Variants in MED13 observed in about 807,000 individuals in gnomAD.
MED13 encodes mediator complex subunit 13, also known as mediator of RNA polymerase II transcription subunit 13.
A neutral mutation model predicts 225.2 loss-of-function variants in MED13; 23 were observed. That is an observed-to-expected ratio of 0.10 (90% CI 0.07 to 0.14). The LOEUF (loss-of-function observed/expected upper bound fraction) is 0.14. MED13 is among the 10% of genes least tolerant of loss of function. The pLI, the probability that MED13 is intolerant of heterozygous loss-of-function variation, is 1.00. For synonymous variants in MED13, 942 were observed against 889.2 expected (o/e 1.06, Z -1.06); for missense variants, 2,197 against 2,594.5 (o/e 0.85, Z 3.33).
At chr17:62,031,797 T>C (rs1186294078) in intron 5 of MED13, among the ~76,000 whole-genome samples, 159 bp from the exon 6 acceptor site, 2 of 127,734 alleles carry the variant, frequency 1.6e-5, no homozygotes, top group Non-Finnish European at 3.5e-5. Context: ...TTTTCTTTTC[T>C]TTTTTTTTTT....
In MED13 at chr17:62,011,478, A is replaced by G. The variant is rs528853483; in HGVS notation, c.1284-245T>C. The stretch of plus-strand genomic sequence containing the variant: ...GCTCATTTAATAGCCATGTGATCAG[A>G]CAGCCAAAGATTATGTCTTACATGA... On this transcript the variant is annotated intron_variant, in intron 8 of 29. Transcript: ENST00000397786. Among the ~76,000 whole-genome samples, 7 of 152,304 alleles carry G rather than the reference A, an allele frequency of 4.6e-5. No homozygotes were observed. In the East Asian group the frequency reaches 1.3e-3, roughly 29 times the overall value.
chr17:61,985,937 G>A (rs980870161), intron 12 of MED13, among the ~76,000 whole-genome samples: 4 of 152,170 alleles, frequency 2.6e-5, no homozygotes, highest in Admixed American at 2.6e-4. Context: ...AAGCAATAGA[G>A]TTCCTAACTT....
At position 62,011,180 on chromosome 17, in the gene MED13, A is replaced by G. The variant is rs758026587; in HGVS notation, c.1337T>C (p.Leu446Ser). Residue 446 changes from leucine (L) to serine (S), a missense_variant, in exon 9 of 30, where the codon TTA (leucine) becomes TCA (serine). By Grantham distance (145) the Leu-to-Ser change is moderately radical. Transcript: ENST00000397786. ...AGGAAGTATTTGTTGTTGCTGACCTAAAGATGGTGCCTGTCCTTGTTGTCC... is the reference window on the plus strand; with the variant it reads ...AGGAAGTATTTGTTGTTGCTGACCTGAAGATGGTGCCTGTCCTTGTTGTCC... Reference protein sequence around the residue: ...NAGQQGQAPSLGQQQQILPKH... With the variant: ...NAGQQGQAPSSGQQQQILPKH... The G allele has an allele frequency of 6.2e-6, 10 of 1,614,152 alleles. No individual in the cohort carries two copies. In the South Asian group the frequency reaches 8.8e-5, roughly 14 times the overall value.
intron 2 of MED13, among the ~76,000 whole-genome samples, chr17:62,058,018 A>C (rs561947705): frequency 6.6e-6 from 1 of 152,328 alleles, no homozygotes; most frequent in East Asian, 1.9e-4. Flanking sequence ...AAATACACAG[A>C]AAACTCTCCT....
chr17:62,008,059 T>C (rs2080469827), intron 9 of MED13, among the ~76,000 whole-genome samples: 1 of 141,116 alleles, frequency 7.1e-6, no homozygotes, highest in Non-Finnish European at 1.5e-5. Context: ...GGCTCACGCC[T>C]GTAATCCCAG....
In MED13 at chr17:62,052,549, G is replaced by A; in HGVS notation, c.458C>T (p.Pro153Leu). The change falls in exon 3 of 30, where the codon CCT (proline) becomes CTT (leucine). Residue 153 changes from proline to leucine, a missense_variant. Coordinates refer to ENST00000397786, the MANE Select transcript of MED13 (RefSeq NM_005121.3). Reference sequence around the variant, plus strand: ...TAAGATAGCTTACCTTTTATTTATAGGTTTTTCATCTTTTTCATAAGGCTT... The same window carrying A: ...TAAGATAGCTTACCTTTTATTTATAAGTTTTTCATCTTTTTCATAAGGCTT... ...FVKPYEKDEK[P>L]INKSEHLSCS... 2 of 1,573,694 alleles carry A rather than the reference G, an allele frequency of 1.3e-6. No individual in the cohort carries two copies. The highest frequency in any genetic ancestry group is 1.7e-6 in the Non-Finnish European group (2 of 1,161,070).
intron 10 of MED13, 135 bp from the exon 11 acceptor site, chr17:61,992,756 AG>A: frequency 1.6e-6 from 1 of 607,552 alleles, no homozygotes; most frequent in South Asian, 2.1e-5. Context: ...TACAGTAACA[AG>A]TAAGTAGTAT....
chr17:62,022,341 T>G (rs959026247), intron 8 of MED13, among the ~76,000 whole-genome samples: 1 of 151,988 alleles, frequency 6.6e-6, no homozygotes, highest in Admixed American at 6.6e-5. Flanking sequence ...AATTGATAGT[T>G]ACAGCAGTAT....
In MED13 at chr17:62,003,148, A is replaced by AT. The variant is rs60050683; in HGVS notation, c.1967+7401dup. Among the ~76,000 whole-genome samples, 573 of 151,578 alleles carry AT rather than the reference A, an allele frequency of 3.8e-3. 5 individuals carry two copies. Among genetic ancestry groups the AT allele is most frequent in the African/African-American group, 0.013 (534 of 41,094 alleles). The stretch of plus-strand genomic sequence containing the variant: ...GGAAAAGGATAGAATCATCCAGATG[A>AT]TTATTTTTAAAAGCAAACTTTTAAC... On this transcript the variant is annotated intron_variant, in intron 9 of 29. Transcript: ENST00000397786.
At position 61,984,513 on chromosome 17, in the gene MED13, A is replaced by T. The variant is rs2080231852; in HGVS notation, c.2691+138T>A. The T allele has an allele frequency of 4.3e-6, 4 of 939,660 alleles. No homozygotes were observed. In the Admixed American group the frequency reaches 1.2e-4, roughly 28 times the overall value. 58.2% of individuals were successfully genotyped at this position (939,660 alleles called of 1,614,324 possible). A position where few individuals can be genotyped will look rare whatever the true frequency, so the allele number is the denominator to read the frequency against. ...TATTATTTTCTTAAATGCATTCTTA[A>T]TAGTGACAACAATAATTCAGTCCTC... On this transcript the variant is annotated intron_variant, in intron 14 of 29. Transcript: ENST00000397786.
intron 23 of MED13, among the ~76,000 whole-genome samples, chr17:61,957,233 G>A (rs2079953965): frequency 6.6e-6 from 1 of 152,028 alleles, no homozygotes; most frequent in Admixed American, 6.6e-5. Flanking sequence ...TTTTAGCAGA[G>A]AGGGGGTTTC....
At chr17:61,954,298 TCTA>T (rs955713369) in intron 26 of MED13, among the ~76,000 whole-genome samples, 4 of 152,190 alleles carry the variant, frequency 2.6e-5, no homozygotes, top group Admixed American at 2.6e-4. Flanking sequence ...TATTTTCTCT[TCTA>T]CTAAAATGCA....
intron 2 of MED13, among the ~76,000 whole-genome samples, chr17:62,058,520 C>CAAAAAAAAAA (rs751957495): frequency 3.7e-5 from 2 of 53,438 alleles, no homozygotes; most frequent in Admixed American, 2.1e-4. Context: ...GACTTCATCT[C>CAAAAAAAAAA]AAAAAAAAAA....
intron 17 of MED13, among the ~76,000 whole-genome samples, chr17:61,970,036 A>G (rs2080093398): frequency 6.6e-6 from 1 of 152,250 alleles, no homozygotes; most frequent in Non-Finnish European, 1.5e-5. Flanking sequence ...TCATTAAAAA[A>G]GCAATTTAAA....
chr17:61,965,239 T>C lies in MED13; in HGVS notation c.4611A>G (p.Ser1537=). Reference sequence around the variant, plus strand: ...AGTTGGAGGATGATGAAGATGAAGTTGAAGCTGTGGTCAAAGTTGAATTAG... The same window carrying C: ...AGTTGGAGGATGATGAAGATGAAGTCGAAGCTGTGGTCAAAGTTGAATTAG... ...ATANSTLTTA[S]TSSSSSSNLN... is the part of the protein sequence containing the mutation. Residue 1537 remains serine (S), a synonymous_variant, in exon 20 of 30, where the codon TCA becomes TCG. Coordinates refer to ENST00000397786, the MANE Select transcript of MED13 (RefSeq NM_005121.3). 6.2e-7 allele frequency: 1 copy of C among 1,614,150 alleles called. No homozygotes were observed. Among genetic ancestry groups the C allele is most frequent in the Non-Finnish European group, 8.5e-7 (1 of 1,179,966 alleles).
intron 3 of MED13, among the ~76,000 whole-genome samples, chr17:62,047,760 AAGAGAGAG>A (rs375543531): frequency 3.3e-5 from 5 of 149,768 alleles, no homozygotes; most frequent in Admixed American, 2.0e-4. Flanking sequence ...ATCATTAAAA[AAGAGAGAG>A]AGAGAGAGAG....
At chr17:62,029,314 A>G (rs2143669183) in intron 8 of MED13, 1 of 528,994 alleles carries the variant, frequency 1.9e-6, no homozygotes, top group Non-Finnish European at 3.3e-6. Context: ...ACTAGGAAAC[A>G]AAACTTTCAG....
chr17:61,981,836 T>C (rs1485269490), intron 16 of MED13, among the ~76,000 whole-genome samples: 1 of 152,250 alleles, frequency 6.6e-6, no homozygotes, highest in African/African-American at 2.4e-5. Context: ...TATGTGTGCT[T>C]TGTTCAACAG....
chr17:61,946,269 T>A lies in MED13; in HGVS notation c.*199A>T. ...ATACGTTTTGTATGATCAGTCATCA[T>A]CCTAAAGAGTTCAATAGAGTCAATG... On this transcript the variant is annotated 3_prime_UTR_variant, in exon 30 of 30. Coordinates refer to ENST00000397786, the MANE Select transcript of MED13 (RefSeq NM_005121.3). The A allele has an allele frequency of 1.8e-6, 1 of 571,124 alleles. No individual in the cohort carries two copies. The highest frequency in any genetic ancestry group is 3.0e-6 in the Non-Finnish European group (1 of 334,426). 35.4% of individuals were successfully genotyped at this position (571,124 alleles called of 1,614,324 possible).
Sources: allele counts gnomAD v4.1 joint callset (sites outside exome capture counted in the v4.1 genomes callset), GRCh38; gene constraint gnomAD v4.1.1; transcripts MANE v1.5; gene names NCBI Gene and HGNC (gene_info 2026-07-23, HGNC 2026-07-21).